FOXM1: variants seen among roughly 807,000 people sequenced by gnomAD.
FOXM1 encodes the protein forkhead box protein M1.
A neutral mutation model predicts 63.6 loss-of-function variants in FOXM1; 25 were observed. The ratio of observed to expected loss-of-function variants is 0.39; its 90% CI spans 0.29 to 0.55. The LOEUF is 0.55. FOXM1 is among the 20% of genes least tolerant of loss of function. The pLI is 0.60. For synonymous variants in FOXM1, 387 were observed against 376.9 expected, an observed-to-expected ratio of 1.03 and a Z score of -0.31; for missense variants, 879 against 958.7, an observed-to-expected ratio of 0.92 and a Z score of 1.10.
intron 8 of FOXM1, among the ~76,000 whole-genome samples, chr12:2,861,660 T>C (rs1373512569): frequency 6.6e-6 from 1 of 152,208 alleles, no homozygotes; most frequent in Non-Finnish European, 1.5e-5. Context: ...TCTGGGACTC[T>C]ATCCTAGAGA....
At position 2,858,635 on chromosome 12, in the gene FOXM1, G is replaced by A. The variant is rs775886466; in HGVS notation, c.*3C>T. 6.2e-7 allele frequency: 1 copy of A among 1,612,576 alleles called. No individual in the cohort carries two copies. Among genetic ancestry groups the A allele is most frequent in the Non-Finnish European group, 8.5e-7 (1 of 1,179,118 alleles). On this transcript the variant is annotated 3_prime_UTR_variant, in exon 9 of 9. Coordinates refer to ENST00000359843, the MANE Select transcript of FOXM1 (RefSeq NM_021953.4). ...GCTTGAGCACAGGGGCAAGGGCAGG[G>A]CTCTACTGTAGCTCAGGAATAAACT...
intron 3 of FOXM1, among the ~76,000 whole-genome samples, chr12:2,871,293 GA>G (rs150364039): frequency 2.0e-5 from 3 of 152,032 alleles, no homozygotes; most frequent in Non-Finnish European, 4.4e-5. Flanking sequence ...GTAACTGTGG[GA>G]AAAAAACCCA....
intron 8 of FOXM1, among the ~76,000 whole-genome samples, chr12:2,862,158 G>A (rs1424719149): frequency 3.4e-5 from 5 of 146,882 alleles, no homozygotes; most frequent in African/African-American, 1.0e-4. Flanking sequence ...CAGCCTGGGC[G>A]ACAGAGTGAG....
chr12:2,869,432 G>A (rs2098129008), intron 3 of FOXM1, among the ~76,000 whole-genome samples: 2 of 150,298 alleles, frequency 1.3e-5, no homozygotes, highest in African/African-American at 2.5e-5. Context: ...ACCACGCCCA[G>A]CTAATTTTTT....
In FOXM1 at chr12:2,864,878, G is replaced by T; in HGVS notation, c.1021-126C>A. 1 of 1,036,228 alleles carries T rather than the reference G, an allele frequency of 9.7e-7. No homozygotes were observed. Among genetic ancestry groups the T allele is most frequent in the Non-Finnish European group, 1.5e-6 (1 of 667,346 alleles). The allele number at this position is 1,036,228 out of a possible 1,614,324, so 64.2% of individuals were successfully genotyped here. The stretch of plus-strand genomic sequence containing the variant: ...AGTTAATGACAGCCCAGAGAGAGGA[G>T]GCCAACCTGAGGGGATGGACGTAGG... On this transcript the variant is annotated intron_variant, in intron 6 of 8. Coordinates refer to ENST00000359843, the MANE Select transcript of FOXM1 (RefSeq NM_021953.4). The surrounding 1 kb of genome is among the most constrained non-coding windows in gnomAD (Gnocchi z 5.1).
chr12:2,859,156 G>A lies in FOXM1; in HGVS notation c.1774C>T (p.Gln592Ter). 1 of 1,606,994 alleles carries A rather than the reference G, an allele frequency of 6.2e-7. No individual in the cohort carries two copies. Among genetic ancestry groups the A allele is most frequent in the Non-Finnish European group, 8.5e-7 (1 of 1,176,414 alleles). Reference protein sequence around the residue: ...SDPASQLSYSQEVGGPFKTPI... With the variant: ...SDPASQLSYS ...GTCTTAAAAGGTCCTCCCACTTCCT[G>A]GGAGTAGCTGAGCTGGGAGGCAGGG... Residue 592 changes from glutamine (Q) to a stop codon, truncating the protein, a stop_gained, in exon 9 of 9, where the codon CAG becomes TAG. Coordinates refer to ENST00000359843, the MANE Select transcript of FOXM1 (RefSeq NM_021953.4). LOFTEE classifies it high-confidence loss of function.
chr12:2,863,638 C>T (rs1341873678), intron 8 of FOXM1: 4 of 152,070 alleles, frequency 2.6e-5, no homozygotes, highest in African/African-American at 9.7e-5. Flanking sequence ...TAAGCAATAC[C>T]CCTGCCTCGG....
At position 2,858,874 on chromosome 12, in the gene FOXM1, A is replaced by G; in HGVS notation, c.2056T>C (p.Ser686Pro). The G allele has an allele frequency of 6.2e-7, 1 of 1,614,024 alleles. No homozygotes were observed. Among genetic ancestry groups the G allele is most frequent in the Non-Finnish European group, 8.5e-7 (1 of 1,180,006 alleles). ...GGAGAAGAGTTGCCAAAGGGGACGG[A>G]GATGAGGTCTAAGGGTTCTGAACTG... Reference protein sequence around the residue: ...LLSSEPLDLISVPFGNSSPSD... With the variant: ...LLSSEPLDLIPVPFGNSSPSD... The change falls in exon 9 of 9, where the codon TCC becomes CCC. Residue 686 changes from serine to proline, a missense_variant. Ser to Pro is a moderately conservative substitution (Grantham distance 74). Coordinates refer to ENST00000359843, the MANE Select transcript of FOXM1 (RefSeq NM_021953.4).
At chr12:2,871,219 A>G (rs1257053170) in intron 3 of FOXM1, among the ~76,000 whole-genome samples, 1 of 152,198 alleles carries the variant, frequency 6.6e-6, no homozygotes, top group East Asian at 1.9e-4. Context: ...GAGAAAAAAA[A>G]GAAAATAAAG....
intron 2 of FOXM1, among the ~76,000 whole-genome samples, chr12:2,873,588 T>TG (rs201813403): frequency 0.016 from 2,469 of 149,848 alleles, 62 homozygotes; most frequent in African/African-American, 0.056. Context: ...TCATTTTTAT[T>TG]TTTTTTTTTG....
chr12:2,870,360 T>A (rs576932891), intron 3 of FOXM1, among the ~76,000 whole-genome samples: 1 of 152,308 alleles, frequency 6.6e-6, no homozygotes, highest in East Asian at 1.9e-4. Context: ...ATATTGCATG[T>A]TCTCACTTAT....
chr12:2,861,064 A>G (rs1603499589), intron 8 of FOXM1, among the ~76,000 whole-genome samples: 1 of 151,682 alleles, frequency 6.6e-6, no homozygotes, highest in East Asian at 1.9e-4. Context: ...GCTACTTGGG[A>G]GGCTGAGGCA....
In FOXM1 at chr12:2,871,651, T is replaced by TA. The variant is rs756336674; in HGVS notation, c.654+444dup. 5.2e-3 allele frequency among the ~76,000 whole-genome samples: 761 copies of TA among 145,274 alleles called. 2 individuals carry two copies. The highest frequency in any genetic ancestry group is 0.014 in the Middle Eastern group (4 of 286). ...TGGGCAACAGAGCAAGACGCTGTCT[T>TA]AAAAAAAAAAAATATATATACGTGT... On this transcript the variant is annotated intron_variant, in intron 3 of 8. Transcript: ENST00000359843.
Position 2,874,081 on chromosome 12 carries a change from C to A in FOXM1, c.398G>T (p.Arg133Met). ...CAAGGTCTCCAGGGTCACTTCTGTC[C>A]TTTTGGCATCATAGCTGGTTTGGGT... ...PQTQTSYDAK[R>M]TEVTLETLGP... The change falls in exon 2 of 9, where the codon AGG becomes ATG. Residue 133 changes from arginine to methionine, a missense_variant. Around this residue, in one of 4 missense-constraint regions of FOXM1, gnomAD observed 255 missense variants for 292.4 expected, o/e 0.87. Transcript: ENST00000359843. The surrounding 1 kb of genome is among the most constrained non-coding windows in gnomAD (Gnocchi z 4.3). The A allele has an allele frequency of 3.1e-6, 5 of 1,614,136 alleles. No homozygotes were observed. The highest frequency in any genetic ancestry group is 4.2e-6 in the Non-Finnish European group (5 of 1,180,022).
chr12:2,873,820 C>T (rs941209191), intron 2 of FOXM1, among the ~76,000 whole-genome samples, 157 bp downstream of exon 2: 2 of 151,998 alleles, frequency 1.3e-5, no homozygotes, highest in East Asian at 1.9e-4. Context: ...TCAAGTGATC[C>T]GCCCGCCTCA....
chr12:2,872,089 A>C lies in FOXM1; in HGVS notation c.654+7T>G. 6.2e-7 allele frequency: 1 copy of C among 1,614,146 alleles called. No individual in the cohort carries two copies. Among genetic ancestry groups the C allele is most frequent in the Non-Finnish European group, 8.5e-7 (1 of 1,179,982 alleles). ...TGATTTCTTTAGTGAGGGACGGAAC[A>C]ATTCACCTTAACCTGTCGCTGCTCC... On this transcript the variant is annotated splice_region_variant and intron_variant, in intron 3 of 8. Transcript: ENST00000359843. This position sits in a 1 kb window ranked among gnomAD's most constrained non-coding sequence, Gnocchi z 4.0.
chr12:2,864,424 A>T lies in FOXM1; in HGVS notation c.1162T>A (p.Ser388Thr), dbSNP rs1315833021. 1 of 1,614,024 alleles carries T rather than the reference A, an allele frequency of 6.2e-7. No individual in the cohort carries two copies. The highest frequency in any genetic ancestry group is 2.2e-5 in the East Asian group (1 of 44,896). The change falls in exon 8 of 9, where the codon TCA becomes ACA. Residue 388 changes from serine to threonine, a missense_variant. By Grantham distance (58) the Ser-to-Thr change is moderately conservative (BLOSUM62 1). This residue lies in a region of FOXM1 where 76 missense variants were observed against 94.5 expected (regional missense o/e 0.80). Transcript: ENST00000359843. The surrounding 1 kb of genome is among the most constrained non-coding windows in gnomAD (Gnocchi z 5.1). ...LVPIQFPVNQ[S>T]LVLQPSVKVP... ...TTCACCGAGGGCTGCAACACCAGTG[A>T]CTGGTTCACCGGGAACTGGATAGGT...
rs1404074257 is a variant in FOXM1 at position 2,871,063 on chromosome 12, G to C, written c.654+1033C>G. 3.3e-5 allele frequency among the ~76,000 whole-genome samples: 5 copies of C among 151,404 alleles called. No individual in the cohort carries two copies. In the East Asian group the frequency reaches 9.6e-4, roughly 29 times the overall value. ...GGGCCTTCTTGAGGGTGGAGAGTGG[G>C]AGGAGGGGGAGACAGAAAAACTACC... On this transcript the variant is annotated intron_variant, in intron 3 of 8. Transcript: ENST00000359843.
intron 8 of FOXM1, among the ~76,000 whole-genome samples, chr12:2,861,082 C>A (rs1264241045): frequency 6.6e-6 from 1 of 150,884 alleles, no homozygotes; most frequent in Non-Finnish European, 1.5e-5. Context: ...GCAGGAGAAT[C>A]GCTTGAACCC....
Sources: allele counts gnomAD v4.1 joint callset (sites outside exome capture counted in the v4.1 genomes callset), GRCh38; gene constraint gnomAD v4.1.1; regional missense constraint gnomAD v4.1.1; non-coding constraint Gnocchi (gnomAD v3.1); transcripts MANE v1.5; gene names NCBI Gene and HGNC (gene_info 2026-07-23, HGNC 2026-07-21).